Variants in PLPP4 observed in about 807,000 individuals in gnomAD.
The protein encoded by PLPP4 is diacylglycerol pyrophosphate like 2.
Under a neutral mutation model 32.2 loss-of-function variants are expected in PLPP4, and 20 were observed. The observed-to-expected ratio is 0.62, with a 90% CI of 0.44 to 0.90. The LOEUF is 0.90. Ranked by LOEUF, PLPP4 falls within the 40% of genes least tolerant of loss-of-function variation. The pLI is 0.00. For synonymous variants in PLPP4, 127 were observed against 133.0 expected, an observed-to-expected ratio of 0.95 and a Z score of 0.31; for missense variants, 257 against 353.1, an observed-to-expected ratio of 0.73 and a Z score of 2.18.
At chr10:120,516,187 C>G (rs186023538) in intron 3 of PLPP4, among the ~76,000 whole-genome samples, 56 of 152,176 alleles carry the variant, frequency 3.7e-4, no homozygotes, top group Non-Finnish European at 7.6e-4. Flanking sequence ...GTGGGTGATC[C>G]TTAAAAGCCA....
intron 5 of PLPP4, among the ~76,000 whole-genome samples, chr10:120,570,120 G>T (rs1199361694): frequency 1.3e-5 from 2 of 152,094 alleles, no homozygotes; most frequent in South Asian, 2.1e-4. Context: ...TTCCAGCACA[G>T]TGCCTGGCCC....
At chr10:120,580,622 C>T (rs1849450814) in intron 6 of PLPP4, among the ~76,000 whole-genome samples, 1 of 142,426 alleles carries the variant, frequency 7.0e-6, no homozygotes, top group African/African-American at 2.7e-5. Context: ...GTCTCCATCT[C>T]TCTGTCTGCC....
intron 5 of PLPP4, among the ~76,000 whole-genome samples, chr10:120,539,282 C>T (rs967479915): frequency 2.6e-5 from 4 of 152,156 alleles, no homozygotes; most frequent in African/African-American, 9.7e-5. Context: ...AGGATATGGT[C>T]ACAGGTCAGG....
intron 1 of PLPP4, among the ~76,000 whole-genome samples, chr10:120,476,563 G>C (rs1180410641): frequency 1.3e-5 from 2 of 152,164 alleles, no homozygotes; most frequent in Admixed American, 1.3e-4. Context: ...GCAGTTGGGT[G>C]GGGTGATACT....
chr10:120,587,653 A>G (rs988770421), intron 6 of PLPP4, among the ~76,000 whole-genome samples: 9 of 152,348 alleles, frequency 5.9e-5, no homozygotes, highest in Admixed American at 5.9e-4. Context: ...TTAGATCTAG[A>G]TAGAACCAGG....
At chr10:120,469,555 G>T (rs538749128) in intron 1 of PLPP4, among the ~76,000 whole-genome samples, 2 of 152,188 alleles carry the variant, frequency 1.3e-5, no homozygotes, top group South Asian at 4.2e-4. Flanking sequence ...TCTGATTTGG[G>T]CCAATACTAG....
At chr10:120,518,509 T>C (rs1181333816) in intron 3 of PLPP4, among the ~76,000 whole-genome samples, 2 of 152,202 alleles carry the variant, frequency 1.3e-5, no homozygotes, top group African/African-American at 4.8e-5. Context: ...AAATTCTACA[T>C]GCTGTGGTAT....
chr10:120,586,958 T>C (rs1411517035), intron 6 of PLPP4, among the ~76,000 whole-genome samples: 1 of 152,116 alleles, frequency 6.6e-6, no homozygotes, highest in South Asian at 2.1e-4. Context: ...AGAAATGACA[T>C]TGAGCTCTGA....
chr10:120,545,283 A>G (rs1847563656), intron 5 of PLPP4, among the ~76,000 whole-genome samples: 2 of 152,208 alleles, frequency 1.3e-5, no homozygotes, highest in African/African-American at 4.8e-5. Flanking sequence ...TACGAAAGCA[A>G]TTTAATAGGA....
At chr10:120,478,215 G>A (rs1452299053) in intron 1 of PLPP4, among the ~76,000 whole-genome samples, 5 of 152,182 alleles carry the variant, frequency 3.3e-5, no homozygotes, top group South Asian at 2.1e-4. Flanking sequence ...GGTTTTCCAC[G>A]TTTTCATTTC....
At chr10:120,581,594 G>A (rs716453) in intron 6 of PLPP4, among the ~76,000 whole-genome samples, 10,993 of 152,192 alleles carry the variant, frequency 0.072, 675 homozygotes, top group African/African-American at 0.17. Flanking sequence ...TCACATGATT[G>A]CATCGCTTGA....
At chr10:120,517,957 A>T (rs1470095611) in intron 3 of PLPP4, among the ~76,000 whole-genome samples, 2 of 152,308 alleles carry the variant, frequency 1.3e-5, no homozygotes, top group East Asian at 3.9e-4. Flanking sequence ...CACATGCTTT[A>T]TTATTCAACA....
At chr10:120,493,862 A>ACTGCG (rs1302969294) in intron 1 of PLPP4, among the ~76,000 whole-genome samples, 11 of 152,152 alleles carry the variant, frequency 7.2e-5, no homozygotes, top group Non-Finnish European at 8.8e-5. Flanking sequence ...AGTACACTGC[A>ACTGCG]CGCCATGCAG....
At chr10:120,474,679 C>G (rs1564780665) in intron 1 of PLPP4, among the ~76,000 whole-genome samples, 2 of 151,574 alleles carry the variant, frequency 1.3e-5, no homozygotes, top group African/African-American at 4.8e-5. Flanking sequence ...TCTCCTGACA[C>G]AAAAAAAATC....
chr10:120,465,318 G>A (rs1274728962), intron 1 of PLPP4, among the ~76,000 whole-genome samples: 1 of 152,232 alleles, frequency 6.6e-6, no homozygotes, highest in Admixed American at 6.5e-5. Flanking sequence ...GAGGTGTTAA[G>A]AGCAAGGTTT....
intron 6 of PLPP4, among the ~76,000 whole-genome samples, chr10:120,580,624 CTGTCTGCCTCTGTCTCTTACACACA>C (rs1434415302): frequency 2.1e-5 from 3 of 142,202 alleles, no homozygotes; most frequent in Non-Finnish European, 4.5e-5. Flanking sequence ...CTCCATCTCT[CTGTCTGCCTCTGTCTCTTACACACA>C]CACACACACA....
intron 2 of PLPP4, among the ~76,000 whole-genome samples, chr10:120,510,975 C>G (rs887807909): frequency 2.0e-5 from 3 of 152,178 alleles, no homozygotes; most frequent in African/African-American, 7.2e-5. Flanking sequence ...GGGTGGGAAC[C>G]ATGGCATTTT....
chr10:120,479,250 C>T (rs1844088926), intron 1 of PLPP4, among the ~76,000 whole-genome samples: 1 of 149,058 alleles, frequency 6.7e-6, no homozygotes, highest in Non-Finnish European at 1.5e-5. Context: ...CAAAAACAAA[C>T]CAAAAAAAAA....
Position 120,469,795 on chromosome 10 carries a change from A to G in PLPP4, c.56+12434A>G, listed in dbSNP as rs542657826. On this transcript the variant is annotated intron_variant, in intron 1 of 6. Transcript: ENST00000398250. ...ATTTTATTTATAGCTTAATTTTTAA[A>G]CTCATTATCTCTTTAAGATATTATA... Among the ~76,000 whole-genome samples the G allele has an allele frequency of 5.9e-5, 9 of 152,258 alleles. 1 individual carries two copies. The highest frequency in any genetic ancestry group is 5.2e-4 in the Admixed American group (8 of 15,300).
Sources: allele counts gnomAD v4.1 joint callset (sites outside exome capture counted in the v4.1 genomes callset), GRCh38; gene constraint gnomAD v4.1.1; transcripts MANE v1.5; gene names NCBI Gene and HGNC (gene_info 2026-07-23, HGNC 2026-07-21).